Variants in DIPK1C observed in about 807,000 individuals in gnomAD.
DIPK1C encodes the protein familial non-conventional Alzheimer's dementia.
Under a neutral mutation model 28.0 loss-of-function variants are expected in DIPK1C, and 33 were observed. The observed-to-expected ratio is 1.18, with a 90% confidence interval of 0.89 to 1.58. The LOEUF is 1.58. Ranked by LOEUF, DIPK1C falls within the 40% of genes most tolerant of loss-of-function variation. The pLI is 0.00. For synonymous variants in DIPK1C, 255 were observed against 248.8 expected, an observed-to-expected ratio of 1.02 and a Z score of -0.23; for missense variants, 569 against 568.5, an observed-to-expected ratio of 1.00 and a Z score of -0.01.
chr18:74,463,196 T>A, the DIPK1C span, among the ~76,000 whole-genome samples: 1 of 152,046 alleles, frequency 6.6e-6, no homozygotes. Flanking sequence ...GATGAAGGCC[T>A]GGGAAGTGGA....
chr18:74,443,476 G>A (rs997659137), intron 2 of DIPK1C, among the ~76,000 whole-genome samples: 1 of 152,072 alleles, frequency 6.6e-6, no homozygotes, highest in Non-Finnish European at 1.5e-5. Context: ...TCAATTCTAC[G>A]CAGTCTGGGA....
upstream of DIPK1C, among the ~76,000 whole-genome samples, chr18:74,458,614 G>GTCACTCAATCAACAGCAGGGTTTGGGTA (rs1986569424): frequency 6.6e-6 from 1 of 152,108 alleles, no homozygotes; most frequent in Admixed American, 6.5e-5. Context: ...GGGTTTGGGT[G>GTCACTCAATCAACAGCAGGGTTTGGGTA]TCACTCAATC....
At position 74,457,208 on chromosome 18, in the gene DIPK1C, C is replaced by G. The variant is rs1412882195; in HGVS notation, c.52G>C (p.Gly18Arg). The change falls in exon 1 of 4, where the codon GGG (glycine) becomes CGG (arginine). Residue 18 changes from glycine to arginine, a missense_variant. Coordinates refer to ENST00000343998, the MANE Select transcript of DIPK1C (RefSeq NM_001044369.3). The stretch of plus-strand genomic sequence containing the variant: ...AGGAGCGTGCCCCGCCCGCAGCGCC[C>G]GCGCCTCCTGCACCACCCGGCAGGG... Reference protein sequence around the residue: ...RGPAGWCRRRGRCGRGTLLAF... With the variant: ...RGPAGWCRRRRRCGRGTLLAF... 3.4e-6 allele frequency: 4 copies of G among 1,186,736 alleles called. No homozygotes were observed. Among genetic ancestry groups the G allele is most frequent in the South Asian group, 3.5e-5 (1 of 28,472 alleles). The allele number at this position is 1,186,736 out of a possible 1,614,324, so 73.5% of individuals were successfully genotyped here.
upstream of DIPK1C, among the ~76,000 whole-genome samples, chr18:74,461,825 C>T (rs1365360086): frequency 6.6e-6 from 1 of 152,198 alleles, no homozygotes; most frequent in Admixed American, 6.5e-5. Context: ...GACATCACCA[C>T]AGCTTACTGC....
intron 1 of DIPK1C, among the ~76,000 whole-genome samples, chr18:74,456,522 T>C (rs1986516217): frequency 6.6e-6 from 1 of 152,166 alleles, no homozygotes; most frequent in African/African-American, 2.4e-5. Context: ...GAGCCTGGGC[T>C]CTGGAGCGCA....
At position 74,442,099 on chromosome 18, in the gene DIPK1C, C is replaced by T. The variant is rs759417880; in HGVS notation, c.894G>A (p.Val298=). ...RSDFTVVAID[V]DMAFFEPKMR... is the part of the protein sequence containing the mutation. Reference sequence around the variant, plus strand: ...TTTTAGGTTCAAAAAAGGCCATGTCCACATCAATAGCCACCACCTGTAATC... The same window carrying T: ...TTTTAGGTTCAAAAAAGGCCATGTCTACATCAATAGCCACCACCTGTAATC... The change falls in exon 3 of 4, where the codon GTG becomes GTA. Residue 298 remains valine, a synonymous_variant. Transcript: ENST00000343998. 19 of 1,613,996 alleles carry T rather than the reference C, an allele frequency of 1.2e-5. No individual in the cohort carries two copies. In the East Asian group the frequency reaches 3.8e-4, roughly 32 times the overall value.
At chr18:74,436,864 C>T (rs934492336) in intron 3 of DIPK1C, 145 bp from the exon 4 acceptor site, 5 of 729,250 alleles carry the variant, frequency 6.9e-6, no homozygotes, top group African/African-American at 3.6e-5. Context: ...AGAGACCATC[C>T]GATTTGGAAA....
intron 1 of DIPK1C, among the ~76,000 whole-genome samples, chr18:74,452,428 A>G (rs887347328): frequency 6.6e-6 from 1 of 152,166 alleles, no homozygotes; most frequent in African/African-American, 2.4e-5. Flanking sequence ...AACTTAATGT[A>G]CAAATTGCAA....
chr18:74,454,501 G>GGCGCTGCCAGAAAGTCTCCCTTC (rs1986463786), intron 1 of DIPK1C, among the ~76,000 whole-genome samples: 1 of 152,238 alleles, frequency 6.6e-6, no homozygotes, highest in Non-Finnish European at 1.5e-5. Flanking sequence ...CAACTCCCTG[G>GGCGCTGCCAGAAAGTCTCCCTTC]GCGCTGCCAG....
At chr18:74,440,642 A>G (rs999316879) in intron 3 of DIPK1C, among the ~76,000 whole-genome samples, 2 of 152,182 alleles carry the variant, frequency 1.3e-5, no homozygotes, top group Non-Finnish European at 2.9e-5. Context: ...TTCTCCTGCC[A>G]ATTTTCTGTG....
rs574302160 is a variant in DIPK1C at position 74,441,825 on chromosome 18, C to A, written c.1041+127G>T. Reference sequence around the variant, plus strand: ...TCCCCACCGTCCTGCCTTTATTGACCACATCGATCCAGATGGATGGCCTGA... The same window carrying A: ...TCCCCACCGTCCTGCCTTTATTGACAACATCGATCCAGATGGATGGCCTGA... On this transcript the variant is annotated intron_variant, in intron 3 of 3. Coordinates refer to ENST00000343998, the MANE Select transcript of DIPK1C (RefSeq NM_001044369.3). The A allele has an allele frequency of 3.4e-5, 36 of 1,063,058 alleles. 1 individual carries two copies. In the East Asian group the frequency reaches 8.5e-4, roughly 25 times the overall value. 65.9% of individuals were successfully genotyped at this position (1,063,058 alleles called of 1,614,324 possible).
chr18:74,457,760 CT>C (rs1986553147), upstream of DIPK1C: 1 of 150,760 alleles, frequency 6.6e-6, no homozygotes. Flanking sequence ...AACCGCCCCC[CT>C]CTGAGTCTCA....
At chr18:74,437,468 T>TC (rs900734624) in intron 3 of DIPK1C, among the ~76,000 whole-genome samples, 11 of 152,074 alleles carry the variant, frequency 7.2e-5, no homozygotes, top group African/African-American at 2.7e-4. Context: ...TCCTACAGCT[T>TC]CCCCCACGCT....
intron 3 of DIPK1C, among the ~76,000 whole-genome samples, chr18:74,438,869 G>C (rs552264489): frequency 6.6e-6 from 1 of 152,222 alleles, no homozygotes; most frequent in East Asian, 1.9e-4. Context: ...GGCATAGGGG[G>C]GCTTGGTGTT....
chr18:74,446,871 T>C lies in DIPK1C; in HGVS notation c.611A>G (p.Asp204Gly). The part of the protein sequence containing the change: ...EEYVYFSLLQ[D>G]LSPHVLPVLG... ...CACGGGCAGCACGTGTGGGCTCAGG[T>C]CCTGCAGCAGGCTGAAGTAGACGTA... The change falls in exon 2 of 4, where the codon GAC becomes GGC. Residue 204 changes from aspartate to glycine, a missense_variant. Asp to Gly is a moderately conservative substitution (Grantham distance 94). Coordinates refer to ENST00000343998, the MANE Select transcript of DIPK1C (RefSeq NM_001044369.3). 6.6e-7 allele frequency: 1 copy of C among 1,519,818 alleles called. No homozygotes were observed. Among genetic ancestry groups the C allele is most frequent in the South Asian group, 1.2e-5 (1 of 80,438 alleles). 94.1% of individuals were successfully genotyped at this position (1,519,818 alleles called of 1,614,324 possible). A position where few individuals can be genotyped will look rare whatever the true frequency, so the allele number is the denominator to read the frequency against.
Position 74,457,062 on chromosome 18 carries a change from C to T in DIPK1C, c.198G>A (p.Leu66=), listed in dbSNP as rs1986530565. 12 of 1,453,862 alleles carry T rather than the reference C, an allele frequency of 8.3e-6. No individual in the cohort carries two copies. The highest frequency in any genetic ancestry group is 1.3e-5 in the South Asian group (1 of 74,268). 90.1% of individuals were successfully genotyped at this position (1,453,862 alleles called of 1,614,324 possible). ...DEKSRRILAA[L]CQDYQGGTLA... ...GGGGCAGAGCGGCGGCGGGACCTAC[C>T]AGCGCGGCCAGGATGCGCCGGCTCT... The change falls in exon 1 of 4, where the codon CTG becomes CTA. Residue 66 remains leucine, a splice_region_variant and synonymous_variant. Coordinates refer to ENST00000343998, the MANE Select transcript of DIPK1C (RefSeq NM_001044369.3).
upstream of DIPK1C, among the ~76,000 whole-genome samples, chr18:74,458,603 G>GGAGTTTGGGTGTCACTCAATCAACAGCA (rs1986568493): frequency 7.6e-6 from 1 of 132,442 alleles, no homozygotes; most frequent in Admixed American, 7.7e-5. Context: ...ACAGACCCTT[G>GGAGTTTGGGTGTCACTCAATCAACAGCA]GGGTTTGGGT....
At chr18:74,456,913 G>A in intron 1 of DIPK1C, 149 bp downstream of exon 1, 2 of 836,332 alleles carry the variant, frequency 2.4e-6, no homozygotes. Context: ...CGGGGCGTGC[G>A]CCTCTGGCAC....
chr18:74,447,410 A>G lies in DIPK1C; in HGVS notation c.199-127T>C. ...CGCTGATAATCCAGCTGTGCAGAGAAACCTCAGCCCTGTGGATCTCAGAGG... is the reference window on the plus strand; with the variant it reads ...CGCTGATAATCCAGCTGTGCAGAGAGACCTCAGCCCTGTGGATCTCAGAGG... On this transcript the variant is annotated intron_variant, in intron 1 of 3. Transcript: ENST00000343998. This position sits in a 1 kb window ranked among gnomAD's most constrained non-coding sequence, Gnocchi z 4.1. 1 of 982,238 alleles carries G rather than the reference A, an allele frequency of 1.0e-6. No individual in the cohort carries two copies. Among genetic ancestry groups the G allele is most frequent in the Non-Finnish European group, 1.5e-6 (1 of 688,548 alleles). 60.8% of individuals were successfully genotyped at this position (982,238 alleles called of 1,614,324 possible).
Sources: allele counts gnomAD v4.1 joint callset (sites outside exome capture counted in the v4.1 genomes callset), GRCh38; gene constraint gnomAD v4.1.1; non-coding constraint Gnocchi (gnomAD v3.1); transcripts MANE v1.5; gene names NCBI Gene and HGNC (gene_info 2026-07-23, HGNC 2026-07-21).